The following ILDR2 variants were observed in gnomAD, a reference collection of about 807,000 sequenced individuals.
ILDR2 encodes immunoglobulin like domain containing receptor 2, also known as immunoglobulin-like domain-containing receptor 2.
A neutral mutation model predicts 66.8 loss-of-function variants in ILDR2; 25 were observed. The ratio of observed to expected loss-of-function variants is 0.37; its 90% CI spans 0.27 to 0.52. The LOEUF (loss-of-function observed/expected upper bound fraction) is 0.52, where lower values mean the gene tolerates loss of function less well. ILDR2 is among the 20% of genes least tolerant of loss of function. The probability of loss-of-function intolerance (pLI) is 0.88; values close to 1 mark genes in which losing one functional copy is unlikely to be tolerated. For missense variants in ILDR2, 827 were observed against 876.8 expected, an observed-to-expected ratio of 0.94 and a Z score of 0.72; for synonymous variants, 367 against 357.2, an observed-to-expected ratio of 1.03 and a Z score of -0.31.
At chr1:166,935,542 A>C in intron 5 of ILDR2, 65 bp from the exon 6 acceptor site, 2 of 1,438,348 alleles carry the variant, frequency 1.4e-6, no homozygotes, top group Non-Finnish European at 1.9e-6. Context: ...CTCACACCAA[A>C]AATCCCTGAG....
In ILDR2 at chr1:166,917,265, A is replaced by G. The variant is rs1231121870; in HGVS notation, c.*2090T>C. 2 of 152,180 alleles carry G rather than the reference A, an allele frequency of 1.3e-5. No homozygotes were observed. Among genetic ancestry groups the G allele is most frequent in the South Asian group, 2.1e-4 (1 of 4,826 alleles). The allele number at this position is 152,180 out of a possible 1,614,324, so 9.4% of individuals were successfully genotyped here. A position where few individuals can be genotyped will look rare whatever the true frequency, so the allele number is the denominator to read the frequency against. ...AACACGGAAGTCCTTTGGTAGGTCA[A>G]TTCTCCAAGCAATGACACATACCAG... is the stretch of plus-strand genomic sequence containing the variant. On this transcript the variant is annotated 3_prime_UTR_variant, in exon 10 of 10. Transcript: ENST00000271417.
chr1:166,950,726 T>TACACACACACACACACAC (rs57212569), intron 3 of ILDR2, among the ~76,000 whole-genome samples: 3 of 146,714 alleles, frequency 2.0e-5, no homozygotes, highest in African/African-American at 7.5e-5. Flanking sequence ...TGATCTAAAA[T>TACACACACACACACACAC]ACACACACAC....
At position 166,922,606 on chromosome 1, in the gene ILDR2, T is replaced by C; in HGVS notation, c.1198A>G (p.Ser400Gly). 6.2e-7 allele frequency: 1 copy of C among 1,613,768 alleles called. No individual in the cohort carries two copies. The highest frequency in any genetic ancestry group is 8.5e-7 in the Non-Finnish European group (1 of 1,179,960). ...AMEYNKEDRE[S>G]FRHSQPRSKS... The stretch of plus-strand genomic sequence containing the variant: ...CACAGCCATCACCTGTGCCTGAAGC[T>C]CTCTCGATCCTCTTTGTTATACTCC... Residue 400 changes from serine to glycine, a missense_variant, in exon 8 of 10, where the codon AGC becomes GGC. Ser to Gly is a moderately conservative substitution (Grantham distance 56). Around this residue, in one of 2 missense-constraint regions of ILDR2, gnomAD observed 437 missense variants for 523.2 expected, o/e 0.84. Coordinates refer to ENST00000271417, the MANE Select transcript of ILDR2 (RefSeq NM_199351.3).
chr1:166,904,392 A>G (rs1386356829), downstream of ILDR2, among the ~76,000 whole-genome samples: 1 of 152,224 alleles, frequency 6.6e-6, no homozygotes, highest in African/African-American at 2.4e-5. Flanking sequence ...AGGCAGCCAC[A>G]TGGCTTGCAC....
At chr1:166,954,988 T>G (rs1488107807) in intron 3 of ILDR2, among the ~76,000 whole-genome samples, 2 of 152,202 alleles carry the variant, frequency 1.3e-5, no homozygotes, top group Admixed American at 6.5e-5. Context: ...GCCAAATAAC[T>G]ATGTTCACAA....
chr1:166,897,535 C>G (rs1375060026), intron 2 of ILDR2, among the ~76,000 whole-genome samples: 1 of 152,168 alleles, frequency 6.6e-6, no homozygotes, highest in Non-Finnish European at 1.5e-5. Flanking sequence ...AGTTTTGAGC[C>G]AAGTGAAACC....
At chr1:166,926,946 G>A (rs1168378151) in intron 7 of ILDR2, 121 bp downstream of exon 7, 3 of 596,872 alleles carry the variant, frequency 5.0e-6, no homozygotes, top group Admixed American at 3.1e-5. Context: ...AGTGTCACCA[G>A]CACCCCTGCT....
intron 9 of ILDR2, among the ~76,000 whole-genome samples, chr1:166,920,220 G>A (rs1303902069): frequency 6.6e-6 from 1 of 152,128 alleles, no homozygotes; most frequent in Admixed American, 6.5e-5. Context: ...AACAGCAGTG[G>A]CTCTTAGCCT....
Position 166,915,259 on chromosome 1 carries a change from G to A in ILDR2, c.*4096C>T, listed in dbSNP as rs906048271. 11 of 152,196 alleles carry A rather than the reference G, an allele frequency of 7.2e-5. No homozygotes were observed. Among genetic ancestry groups the A allele is most frequent in the Non-Finnish European group, 1.5e-4 (10 of 68,060 alleles). 9.4% of individuals were successfully genotyped at this position (152,196 alleles called of 1,614,324 possible). A position where few individuals can be genotyped will look rare whatever the true frequency, so the allele number is the denominator to read the frequency against. On this transcript the variant is annotated 3_prime_UTR_variant, in exon 10 of 10. Coordinates refer to ENST00000271417, the MANE Select transcript of ILDR2 (RefSeq NM_199351.3). ...CCAGGTCACAGCCAGACTTCTGAGT[G>A]ACTCACCACAGCCAGCCCCAAAGGA... is the stretch of plus-strand genomic sequence containing the variant.
intron 1 of ILDR2, among the ~76,000 whole-genome samples, chr1:166,975,019 TTC>T (rs59211434): frequency 0.33 from 45,289 of 135,964 alleles, 8,085 homozygotes; most frequent in African/African-American, 0.55. Flanking sequence ...GCCCCCATCA[TTC>T]TCTCTCTCTC....
rs991704344 is a variant in ILDR2 at position 166,922,703 on chromosome 1, C to T, written c.1101G>A (p.Leu367=). The change falls in exon 8 of 10, where the codon TTG becomes TTA. Residue 367 remains leucine, a synonymous_variant. Coordinates refer to ENST00000271417, the MANE Select transcript of ILDR2 (RefSeq NM_199351.3). The part of the protein sequence containing the change: ...RSKQFPVSGD[L]ESNPDYWSGV... ...CTGACCAATAGTCAGGATTGCTCTC[C>T]AAGTCCCCAGACACAGGGAACTGCT... 6.2e-7 allele frequency: 1 copy of T among 1,614,092 alleles called. No individual in the cohort carries two copies. Among genetic ancestry groups the T allele is most frequent in the African/African-American group, 1.3e-5 (1 of 74,932 alleles).
chr1:166,905,456 G>T (rs560870082), downstream of ILDR2, among the ~76,000 whole-genome samples: 3 of 152,302 alleles, frequency 2.0e-5, no homozygotes, highest in South Asian at 6.2e-4. Flanking sequence ...TTACCTTTTA[G>T]ACTAAATGAA....
At chr1:166,902,818 A>AC (rs1659283959) in intron 2 of ILDR2, among the ~76,000 whole-genome samples, 1 of 151,994 alleles carries the variant, frequency 6.6e-6, no homozygotes, top group Non-Finnish European at 1.5e-5. Flanking sequence ...ATCCTATCCT[A>AC]CCCTGCACTT....
intron 8 of ILDR2, among the ~76,000 whole-genome samples, chr1:166,922,273 A>T (rs1659996360): frequency 6.6e-6 from 1 of 152,086 alleles, no homozygotes; most frequent in South Asian, 2.1e-4. Context: ...CAAAAAAAAG[A>T]TGGAGATGAT....
At position 166,936,834 on chromosome 1, in the gene ILDR2, G is replaced by A; in HGVS notation, c.557-97C>T. On this transcript the variant is annotated intron_variant, in intron 4 of 9. Transcript: ENST00000271417. This position sits in a 1 kb window ranked among gnomAD's most constrained non-coding sequence, Gnocchi z 5.0. Reference sequence around the variant, plus strand: ...TCTCCCGGTGAAAGGGGGAGAGGAGGAGGGACCTAGGGAAGAAAGCTTCTC... The same window carrying A: ...TCTCCCGGTGAAAGGGGGAGAGGAGAAGGGACCTAGGGAAGAAAGCTTCTC... The A allele has an allele frequency of 8.4e-7, 1 of 1,188,650 alleles. No individual in the cohort carries two copies. The highest frequency in any genetic ancestry group is 1.2e-6 in the Non-Finnish European group (1 of 822,362). The allele number at this position is 1,188,650 out of a possible 1,614,324, so 73.6% of individuals were successfully genotyped here. A position where few individuals can be genotyped will look rare whatever the true frequency, so the allele number is the denominator to read the frequency against.
In ILDR2 at chr1:166,910,496, G is replaced by A. The variant is rs557901305; in HGVS notation, c.*8859C>T. On this transcript the variant is annotated 3_prime_UTR_variant, in exon 10 of 10. Coordinates refer to ENST00000271417, the MANE Select transcript of ILDR2 (RefSeq NM_199351.3). ...ATATGTAGCTTTTCCCTTAAGTAAT[G>A]TGAGGCACACCTCCATCCAATACTG... 5 of 152,152 alleles carry A rather than the reference G, an allele frequency of 3.3e-5. No individual in the cohort carries two copies. Among genetic ancestry groups the A allele is most frequent in the Admixed American group, 3.3e-4 (5 of 15,290 alleles). The allele number at this position is 152,152 out of a possible 1,614,324, so 9.4% of individuals were successfully genotyped here.
intron 3 of ILDR2, among the ~76,000 whole-genome samples, chr1:166,954,104 CA>C (rs1481519424): frequency 6.6e-6 from 1 of 152,130 alleles, no homozygotes; most frequent in Non-Finnish European, 1.5e-5. Context: ...TTTGCTAGAC[CA>C]AATCCTCCAA....
chr1:166,908,572 C>T lies in ILDR2; in HGVS notation c.*10783G>A, dbSNP rs2101817822. The T allele has an allele frequency of 6.6e-6, 1 of 152,300 alleles. No homozygotes were observed. The highest frequency in any genetic ancestry group is 6.5e-5 in the Admixed American group (1 of 15,298). The allele number at this position is 152,300 out of a possible 1,614,324, so 9.4% of individuals were successfully genotyped here. On this transcript the variant is annotated 3_prime_UTR_variant, in exon 10 of 10. Transcript: ENST00000271417. The stretch of plus-strand genomic sequence containing the variant: ...AGGAAGGGAGAAGCACCTTGCCCAG[C>T]ATTAAGTATTTTTCTTGAAACTGTC...
At chr1:166,951,334 G>A (rs1661966387) in intron 3 of ILDR2, among the ~76,000 whole-genome samples, 1 of 152,190 alleles carries the variant, frequency 6.6e-6, no homozygotes, top group Non-Finnish European at 1.5e-5. Context: ...AACACAGAGA[G>A]TGCAGAGCCA....
Sources: allele counts gnomAD v4.1 joint callset (sites outside exome capture counted in the v4.1 genomes callset), GRCh38; gene constraint gnomAD v4.1.1; regional missense constraint gnomAD v4.1.1; non-coding constraint Gnocchi (gnomAD v3.1); transcripts MANE v1.5; gene names NCBI Gene and HGNC (gene_info 2026-07-23, HGNC 2026-07-21).